AK8: variants seen among roughly 807,000 people sequenced by gnomAD.
AK8 encodes ATP-AMP transphosphorylase 8.
A neutral mutation model predicts 54.6 loss-of-function variants in AK8; 44 were observed. The ratio of observed to expected loss-of-function variants is 0.81; its 90% CI spans 0.63 to 1.04. The LOEUF is 1.04. Ranked by LOEUF, AK8 falls within the 50% of genes least tolerant of loss-of-function variation. The pLI, the probability that AK8 is intolerant of heterozygous loss-of-function variation, is 0.00. For synonymous variants in AK8, 239 were observed against 245.6 expected, an observed-to-expected ratio of 0.97 and a Z score of 0.25; for missense variants, 555 against 613.6, an observed-to-expected ratio of 0.90 and a Z score of 1.01.
chr9:132,864,912 C>T (rs1843526650), intron 3 of AK8, among the ~76,000 whole-genome samples: 1 of 152,206 alleles, frequency 6.6e-6, no homozygotes, highest in South Asian at 2.1e-4. Context: ...CAGACTCCTC[C>T]AGAAAAACGA....
intron 2 of AK8, among the ~76,000 whole-genome samples, chr9:132,868,189 G>A (rs773086974): frequency 6.6e-6 from 1 of 152,220 alleles, no homozygotes; most frequent in Non-Finnish European, 1.5e-5. Context: ...CATCTCAGCA[G>A]AGGAGAGAGG....
rs575776608 is a variant in AK8, at chr9:132,862,235, C to T, written c.333+1430G>A. ...GGGACTGACTTGCCGTGGGGGTGGC[C>T]GCCTTGCTGAGCCAGGCTTTCCTTC... On this transcript the variant is annotated intron_variant, in intron 4 of 12. Coordinates refer to ENST00000298545, the MANE Select transcript of AK8 (RefSeq NM_152572.3). Among the ~76,000 whole-genome samples the T allele has an allele frequency of 7.2e-4, 109 of 152,136 alleles. 3 individuals carry two copies. The highest frequency in any genetic ancestry group is 3.9e-4 in the Admixed American group (6 of 15,286).
intron 11 of AK8, among the ~76,000 whole-genome samples, chr9:132,783,335 C>T (rs2131136299): frequency 6.6e-6 from 1 of 152,258 alleles, no homozygotes; most frequent in Middle Eastern, 3.4e-3. Context: ...GGAAGGAATG[C>T]AGCCCTGGCA....
At chr9:132,859,659 C>A (rs1010689145) in intron 4 of AK8, among the ~76,000 whole-genome samples, 4 of 151,910 alleles carry the variant, frequency 2.6e-5, no homozygotes, top group African/African-American at 7.3e-5. Flanking sequence ...TCTCCTCCCC[C>A]TCCTCGACCC....
At position 132,860,670 on chromosome 9, in the gene AK8, TC is replaced by T. The variant is rs1843351026; in HGVS notation, c.333+2994del. On this transcript the variant is annotated intron_variant, in intron 4 of 12. Coordinates refer to ENST00000298545, the MANE Select transcript of AK8 (RefSeq NM_152572.3). This position sits in a 1 kb window ranked among gnomAD's most constrained non-coding sequence, Gnocchi z 4.4. ...AACTAGAGACACTGCCAGTTATTAA[TC>T]ATGCCCTGGCCATTTGGGATAGGTG... is the stretch of plus-strand genomic sequence containing the variant. Among the ~76,000 whole-genome samples the T allele has an allele frequency of 2.0e-5, 3 of 152,226 alleles. No homozygotes were observed. The highest frequency in any genetic ancestry group is 7.2e-5 in the African/African-American group (3 of 41,476).
At chr9:132,806,107 T>TGC (rs1042736581) in intron 10 of AK8, among the ~76,000 whole-genome samples, 13 of 127,168 alleles carry the variant, frequency 1.0e-4, no homozygotes, top group African/African-American at 3.9e-4. Flanking sequence ...TTGGCGTGTG[T>TGC]GTGTGTGTGT....
At chr9:132,838,996 G>A (rs564447040) in intron 5 of AK8, among the ~76,000 whole-genome samples, 17 of 152,224 alleles carry the variant, frequency 1.1e-4, no homozygotes, top group African/African-American at 2.6e-4. Flanking sequence ...CAGATGGAGA[G>A]TGCAGTGGTG....
chr9:132,770,308 C>G lies in AK8; in HGVS notation c.1121+22326G>C, dbSNP rs1838908173. The G allele has an allele frequency of 6.6e-6, 1 of 152,260 alleles. No individual in the cohort carries two copies. The highest frequency in any genetic ancestry group is 2.4e-5 in the African/African-American group (1 of 41,456). 9.4% of individuals were successfully genotyped at this position (152,260 alleles called of 1,614,324 possible). ...CCCAGCCCCGCGCCAAGGGCCACCC[C>G]TCGGCGCGCTCAGCTTCCCTGGGCC... On this transcript the variant is annotated intron_variant, in intron 11 of 12. Coordinates refer to ENST00000298545, the MANE Select transcript of AK8 (RefSeq NM_152572.3). This position sits in a 1 kb window ranked among gnomAD's most constrained non-coding sequence, Gnocchi z 4.3.
chr9:132,814,570 A>C (rs1211239693), intron 10 of AK8, 68 bp downstream of exon 10: 2 of 1,466,424 alleles, frequency 1.4e-6, no homozygotes, highest in Non-Finnish European at 1.9e-6. Flanking sequence ...ATGTTCAGAG[A>C]GCCGCACAAA....
intron 11 of AK8, among the ~76,000 whole-genome samples, chr9:132,728,978 G>A (rs1179370965): frequency 2.6e-5 from 4 of 151,880 alleles, no homozygotes; most frequent in African/African-American, 4.8e-5. Context: ...GACCTCCCAG[G>A]CTCAGTCAAT....
intron 5 of AK8, among the ~76,000 whole-genome samples, chr9:132,838,379 G>A (rs920482497): frequency 2.6e-5 from 4 of 152,202 alleles, no homozygotes; most frequent in African/African-American, 4.8e-5. Flanking sequence ...AGATCTAAGA[G>A]GAGTCAACCT....
At chr9:132,852,423 C>T (rs907299395) in intron 5 of AK8, among the ~76,000 whole-genome samples, 7 of 152,048 alleles carry the variant, frequency 4.6e-5, no homozygotes, top group Admixed American at 6.6e-5. Context: ...TCCTGGCTAA[C>T]ACAGTGAAAC....
intron 11 of AK8, among the ~76,000 whole-genome samples, chr9:132,764,523 A>G (rs1221047103): frequency 1.3e-5 from 2 of 152,240 alleles, no homozygotes; most frequent in Non-Finnish European, 2.9e-5. Context: ...CTCATTAGAG[A>G]CTATTATGAA....
rs1018330054 is a variant in AK8 at position 132,837,137 on chromosome 9, G to A, written c.403-8411C>T. Reference sequence around the variant, plus strand: ...AGATCGAGACCATCCTGGCCAACGTGGTGAAACCCCATCTCTACTAAATAT... The same window carrying A: ...AGATCGAGACCATCCTGGCCAACGTAGTGAAACCCCATCTCTACTAAATAT... On this transcript the variant is annotated intron_variant, in intron 5 of 12. Coordinates refer to ENST00000298545, the MANE Select transcript of AK8 (RefSeq NM_152572.3). This position sits in a 1 kb window ranked among gnomAD's most constrained non-coding sequence, Gnocchi z 4.3. 6.6e-6 allele frequency among the ~76,000 whole-genome samples: 1 copy of A among 152,056 alleles called. No individual in the cohort carries two copies. The highest frequency in any genetic ancestry group is 2.4e-5 in the African/African-American group (1 of 41,418).
rs901087473 is a variant in AK8 at position 132,747,629 on chromosome 9, T to A, written c.1122-20095A>T. On this transcript the variant is annotated intron_variant, in intron 11 of 12. Coordinates refer to ENST00000298545, the MANE Select transcript of AK8 (RefSeq NM_152572.3). ...TGTATTTTGTAGAGAGGGGGTTTCA[T>A]CATGTTGGCCTGGCTGGTCTTGAAC... is the stretch of plus-strand genomic sequence containing the variant. 5.4e-5 allele frequency among the ~76,000 whole-genome samples: 8 copies of A among 148,498 alleles called. 1 individual carries two copies. The highest frequency in any genetic ancestry group is 1.0e-4 in the Non-Finnish European group (7 of 66,858).
chr9:132,816,833 T>A (rs927638751), intron 9 of AK8, among the ~76,000 whole-genome samples: 7 of 152,026 alleles, frequency 4.6e-5, no homozygotes, highest in African/African-American at 1.7e-4. Context: ...CCCAAACAGA[T>A]CAGCAGTCTC....
rs536197095 is a variant in AK8, at chr9:132,752,310, C to T, written c.1122-24776G>A. On this transcript the variant is annotated intron_variant, in intron 11 of 12. Transcript: ENST00000298545. The stretch of plus-strand genomic sequence containing the variant: ...TGTCGCCCAGGCTGGAGTGCAGTGG[C>T]GTGATCTCTGCTCACTGCAGGCTCC... Among the ~76,000 whole-genome samples, 399 of 147,028 alleles carry T rather than the reference C, an allele frequency of 2.7e-3. 1 individual carries two copies. Among genetic ancestry groups the T allele is most frequent in the Admixed American group, 5.8e-3 (84 of 14,552 alleles).
chr9:132,736,716 C>G (rs1837135499), intron 11 of AK8, among the ~76,000 whole-genome samples: 1 of 144,520 alleles, frequency 6.9e-6, no homozygotes, highest in African/African-American at 2.6e-5. Context: ...ACCCGGGAGG[C>G]GAAGCTTGAA....
chr9:132,788,595 C>T (rs907321918), intron 11 of AK8, among the ~76,000 whole-genome samples: 1 of 152,034 alleles, frequency 6.6e-6, no homozygotes, highest in Non-Finnish European at 1.5e-5. Context: ...ATTAGTGGCA[C>T]AAGATATTCA....
Sources: gnomAD v4.1 joint callset for allele counts (sites outside exome capture counted in the v4.1 genomes callset) on GRCh38, gnomAD v4.1.1 for gene constraint, Gnocchi (gnomAD v3.1) non-coding constraint, MANE v1.5 for transcripts, NCBI Gene and HGNC (gene_info 2026-07-23, HGNC 2026-07-21) for gene names.